Variants in MACROD2 observed in about 807,000 individuals in gnomAD.
MACROD2 encodes mono-ADP ribosylhydrolase 2, also known as ADP-ribose glycohydrolase MACROD2.
Under a neutral mutation model 70.4 loss-of-function variants are expected in MACROD2, and 36 were observed. The ratio of observed to expected loss-of-function variants is 0.51; its 90% CI spans 0.39 to 0.68. MACROD2 has a LOEUF of 0.68. Among genes scored for constraint, MACROD2 ranks in the 30% least tolerant of loss-of-function variants. The pLI, the probability that MACROD2 is intolerant of heterozygous loss-of-function variation, is 0.00. For synonymous variants in MACROD2, 172 were observed against 178.8 expected (o/e 0.96, Z 0.30); for missense variants, 496 against 538.4 (o/e 0.92, Z 0.78).
chr20:14,216,720 A>T lies in MACROD2; in HGVS notation c.271+130992A>T, dbSNP rs145611867. Among the ~76,000 whole-genome samples the T allele has an allele frequency of 1.1e-4, 17 of 149,312 alleles. No homozygotes were observed. In the South Asian group the frequency reaches 3.0e-3, roughly 26 times the overall value. ...TAGGTTTCCTTGTAGAGGTCTTTCG[A>T]CTCCTTGGTTAGGTATATTCCTAAG... On this transcript the variant is annotated intron_variant, in intron 3 of 17. Transcript: ENST00000684519.
At chr20:15,436,598 C>T (rs1346452551) in intron 7 of MACROD2, among the ~76,000 whole-genome samples, 3 of 152,154 alleles carry the variant, frequency 2.0e-5, no homozygotes. Flanking sequence ...TCATATGTCC[C>T]TGGTGAAGTT....
At chr20:15,902,436 T>C (rs1248364993) in intron 10 of MACROD2, among the ~76,000 whole-genome samples, 1 of 152,188 alleles carries the variant, frequency 6.6e-6, no homozygotes, top group Non-Finnish European at 1.5e-5. Context: ...ATACAATGTT[T>C]AATAAATTAT....
chr20:14,033,955 A>ATTTTT (rs1229313826), intron 2 of MACROD2, among the ~76,000 whole-genome samples: 7 of 142,042 alleles, frequency 4.9e-5, no homozygotes, highest in Non-Finnish European at 4.6e-5. Context: ...TACCTCACCT[A>ATTTTT]TTTTTATTTT....
chr20:15,524,542 G>A (rs1298641643), intron 8 of MACROD2, among the ~76,000 whole-genome samples: 3 of 152,116 alleles, frequency 2.0e-5, no homozygotes, highest in Non-Finnish European at 2.9e-5. Flanking sequence ...CTAATGGGCT[G>A]TCATTTCTAT....
chr20:15,536,002 C>A (rs561232163), intron 8 of MACROD2, among the ~76,000 whole-genome samples: 1 of 152,112 alleles, frequency 6.6e-6, no homozygotes, highest in African/African-American at 2.4e-5. Flanking sequence ...TCACAGTGGA[C>A]ACCTCAAGGT....
At chr20:14,836,470 G>C (rs538094724) in intron 5 of MACROD2, among the ~76,000 whole-genome samples, 1 of 152,028 alleles carries the variant, frequency 6.6e-6, no homozygotes, top group East Asian at 1.9e-4. Flanking sequence ...AGGCAAAGGG[G>C]TCCACACAGA....
At chr20:15,530,253 G>A (rs999342203) in intron 8 of MACROD2, among the ~76,000 whole-genome samples, 3 of 152,106 alleles carry the variant, frequency 2.0e-5, no homozygotes, top group Non-Finnish European at 4.4e-5. Flanking sequence ...TGATGAAGGA[G>A]ACAGAAAGCT....
At chr20:15,499,030 A>G (rs1261076412) in intron 7 of MACROD2, among the ~76,000 whole-genome samples, 1 of 152,200 alleles carries the variant, frequency 6.6e-6, no homozygotes, top group East Asian at 1.9e-4. Flanking sequence ...ATTCCTTCAC[A>G]TACCATCACT....
intron 3 of MACROD2, among the ~76,000 whole-genome samples, chr20:14,370,896 G>A (rs939771542): frequency 1.3e-5 from 2 of 152,162 alleles, no homozygotes; most frequent in Non-Finnish European, 1.5e-5. Context: ...TAGTGTAAAT[G>A]TGCAGATGAA....
At chr20:15,912,141 A>C (rs1317224241) in intron 10 of MACROD2, among the ~76,000 whole-genome samples, 1 of 152,268 alleles carries the variant, frequency 6.6e-6, no homozygotes, top group Non-Finnish European at 1.5e-5. Flanking sequence ...CTTCATTTTA[A>C]ATGGCAGCCC....
intron 8 of MACROD2, among the ~76,000 whole-genome samples, chr20:15,809,716 T>C (rs998715804): frequency 2.6e-5 from 4 of 151,980 alleles, no homozygotes; most frequent in Non-Finnish European, 5.9e-5. Flanking sequence ...GAGACCAAAT[T>C]TCAACATGAA....
At chr20:15,479,966 AAAT>A (rs2047074832) in intron 7 of MACROD2, among the ~76,000 whole-genome samples, 1 of 152,244 alleles carries the variant, frequency 6.6e-6, no homozygotes, top group Admixed American at 6.5e-5. Context: ...AAATATTTGA[AAAT>A]AATAATATAA....
At chr20:15,406,535 A>G (rs548075255) in intron 6 of MACROD2, among the ~76,000 whole-genome samples, 1 of 152,220 alleles carries the variant, frequency 6.6e-6, no homozygotes, top group Non-Finnish European at 1.5e-5. Context: ...ACAGGGTAAT[A>G]AGACCAAATG....
intron 7 of MACROD2, among the ~76,000 whole-genome samples, chr20:15,477,248 G>A (rs941856913): frequency 2.6e-5 from 4 of 151,846 alleles, no homozygotes; most frequent in South Asian, 2.1e-4. Context: ...CTACAGGCAC[G>A]CACCACCATA....
At chr20:14,490,602 A>G (rs1176171210) in intron 3 of MACROD2, among the ~76,000 whole-genome samples, 1 of 152,170 alleles carries the variant, frequency 6.6e-6, no homozygotes, top group Middle Eastern at 3.2e-3. Context: ...AGATTTTTAA[A>G]TCTTGTTTTA....
rs575514400 is a variant in MACROD2 at position 15,638,120 on chromosome 20, C to T, written c.645+138273C>T. Among the ~76,000 whole-genome samples, 79 of 152,188 alleles carry T rather than the reference C, an allele frequency of 5.2e-4. 1 individual carries two copies. In the South Asian group the frequency reaches 0.015, roughly 29 times the overall value. ...ATGAGCCGTGCATTGTTCCATGCCA[C>T]CTGGCTGCAAAACAAACACAAGGAA... is the stretch of plus-strand genomic sequence containing the variant. On this transcript the variant is annotated intron_variant, in intron 8 of 17. Coordinates refer to ENST00000684519, the MANE Select transcript of MACROD2 (RefSeq NM_001351661.2).
intron 3 of MACROD2, among the ~76,000 whole-genome samples, chr20:14,245,393 T>C (rs2081961410): frequency 6.6e-6 from 1 of 152,122 alleles, no homozygotes; most frequent in South Asian, 2.1e-4. Flanking sequence ...CGTATGCTTT[T>C]GCTAGGCATT....
intron 4 of MACROD2, among the ~76,000 whole-genome samples, chr20:14,533,455 A>G (rs910560301): frequency 6.6e-6 from 1 of 152,246 alleles, no homozygotes. Context: ...TTTCTTAACT[A>G]TTAAGATTCT....
At chr20:15,910,121 T>G (rs1169097249) in intron 10 of MACROD2, among the ~76,000 whole-genome samples, 9 of 152,232 alleles carry the variant, frequency 5.9e-5, no homozygotes, top group African/African-American at 2.2e-4. Context: ...CTGGTTCTGT[T>G]ACGCCATCAT....
Sources: gnomAD v4.1 joint callset for allele counts (sites outside exome capture counted in the v4.1 genomes callset) on GRCh38, gnomAD v4.1.1 for gene constraint, MANE v1.5 for transcripts, NCBI Gene and HGNC (gene_info 2026-07-23, HGNC 2026-07-21) for gene names.